SERPINB13: variants seen among roughly 807,000 people sequenced by gnomAD.
SERPINB13 encodes serpin B13.
A neutral mutation model predicts 31.2 loss-of-function variants in SERPINB13; 26 were observed. That is an observed-to-expected ratio of 0.83 (90% CI 0.61 to 1.15). The LOEUF is 1.15. Ranked by LOEUF, SERPINB13 falls within the 50% of genes most tolerant of loss-of-function variation. The pLI, the probability that SERPINB13 is intolerant of heterozygous loss-of-function variation, is 0.00. For synonymous variants in SERPINB13, 191 were observed against 172.4 expected (o/e 1.11, Z -0.85); for missense variants, 510 against 469.4 (o/e 1.09, Z -0.80).
chr18:63,592,600 A>G, intron 4 of SERPINB13, 124 bp downstream of exon 4: 1 of 1,001,256 alleles, frequency 1.0e-6, no homozygotes, highest in Non-Finnish European at 1.5e-6. Context: ...GTGCTTTTCC[A>G]TCCTGATCTA....
At chr18:63,588,923 C>A in intron 2 of SERPINB13, 91 bp downstream of exon 2, 1 of 1,342,812 alleles carries the variant, frequency 7.4e-7, no homozygotes, top group Non-Finnish European at 1.0e-6. Context: ...CTTAAAAATA[C>A]GCTCTTCTTG....
At chr18:63,589,490 C>CACACACACACACACACACAT (rs202159249) in intron 2 of SERPINB13, among the ~76,000 whole-genome samples, 166 bp from the exon 3 acceptor site, 1 of 151,002 alleles carries the variant, frequency 6.6e-6, no homozygotes, top group African/African-American at 2.5e-5. Context: ...CACACACACA[C>CACACACACACACACACACAT]GAAAAATCAG....
At chr18:63,588,928 T>C in intron 2 of SERPINB13, 96 bp downstream of exon 2, 1 of 1,285,152 alleles carries the variant, frequency 7.8e-7, no homozygotes, top group South Asian at 1.5e-5. Flanking sequence ...AAATACGCTC[T>C]TCTTGACCTG....
chr18:63,594,605 C>A, intron 6 of SERPINB13, 108 bp downstream of exon 6: 2 of 1,205,170 alleles, frequency 1.7e-6, no homozygotes, highest in African/African-American at 1.5e-5. Context: ...CTTTGGGAGG[C>A]CAAGGTGGGT....
At chr18:63,595,327 G>A in intron 7 of SERPINB13, 143 bp downstream of exon 7, 4 of 783,410 alleles carry the variant, frequency 5.1e-6, no homozygotes, top group Admixed American at 2.7e-5. Context: ...GTCTACTGGG[G>A]AGCATTAAAT....
At chr18:63,594,303 T>C (rs1912026389) in intron 5 of SERPINB13, 52 bp from the exon 6 acceptor site, 26 of 1,609,904 alleles carry the variant, frequency 1.6e-5, no homozygotes, top group Non-Finnish European at 2.2e-5. Flanking sequence ...GTCATACATA[T>C]TATTTGTCAT....
At chr18:63,596,341 T>C (rs1912165969) in intron 7 of SERPINB13, among the ~76,000 whole-genome samples, 1 of 152,186 alleles carries the variant, frequency 6.6e-6, no homozygotes, top group South Asian at 2.1e-4. Context: ...AAAGAAATAA[T>C]GCAGAAGAAA....
chr18:63,594,330 C>G, intron 5 of SERPINB13, 25 bp from the exon 6 acceptor site: 1 of 1,613,244 alleles, frequency 6.2e-7, no homozygotes, highest in Non-Finnish European at 8.5e-7. Flanking sequence ...GATGGGTCAA[C>G]CTTTTTCTGT....
intron 2 of SERPINB13, among the ~76,000 whole-genome samples, chr18:63,589,451 T>TCACA (rs112829867): frequency 0.045 from 5,040 of 111,880 alleles, 146 homozygotes; most frequent in South Asian, 0.1. Flanking sequence ...CAAAACTCCA[T>TCACA]CACACACACA....
Position 63,592,373 on chromosome 18 carries a change from A to G in SERPINB13, c.251A>G (p.Gln84Arg), listed in dbSNP as rs550914952. 1.2e-6 allele frequency: 2 copies of G among 1,613,112 alleles called. No homozygotes were observed. The highest frequency in any genetic ancestry group is 3.3e-5 in the Admixed American group (2 of 59,892). Residue 84 changes from glutamine to arginine, a missense_variant, in exon 4 of 8, where the codon CAA (glutamine) becomes CGA (arginine). Coordinates refer to ENST00000344731, the MANE Select transcript of SERPINB13 (RefSeq NM_012397.4). ...EVIENTEAVH[Q>R]QFQKFLTEIS... ...ATTGAGAACACAGAAGCAGTACATC[A>G]ACAATTCCAAAAGTTTTTGACTGAA...
intron 1 of SERPINB13, 30 bp from the exon 2 acceptor site, chr18:63,588,621 C>A: frequency 1.2e-6 from 2 of 1,600,500 alleles, no homozygotes; most frequent in South Asian, 1.1e-5. Context: ...TTCAAATGTT[C>A]AGTTTTGATT....
intron 7 of SERPINB13, among the ~76,000 whole-genome samples, chr18:63,595,727 G>C (rs956084323): frequency 6.6e-6 from 1 of 151,816 alleles, no homozygotes; most frequent in Non-Finnish European, 1.5e-5. Context: ...GTGAAACCCC[G>C]TCTCTACTAA....
At position 63,589,915 on chromosome 18, in the gene SERPINB13, T is replaced by A. The variant is rs1911752481; in HGVS notation, c.225+200T>A. 3.6e-6 allele frequency: 4 copies of A among 1,105,670 alleles called. No homozygotes were observed. In the South Asian group the frequency reaches 7.2e-5, roughly 20 times the overall value. 68.5% of individuals were successfully genotyped at this position (1,105,670 alleles called of 1,614,324 possible). ...TTATACAATAATAATAACCCCTTAA[T>A]ATTGAGAAGAGACCTTAGGTGTAAT... On this transcript the variant is annotated intron_variant, in intron 3 of 7. Transcript: ENST00000344731.
intron 2 of SERPINB13, 109 bp from the exon 3 acceptor site, chr18:63,589,547 C>T: frequency 1.4e-6 from 2 of 1,405,526 alleles, no homozygotes; most frequent in Non-Finnish European, 1.9e-6. Flanking sequence ...ATAATGTCAC[C>T]TCATATACCA....
chr18:63,589,820 G>T (rs922565377), intron 3 of SERPINB13, 105 bp downstream of exon 3: 2 of 1,579,754 alleles, frequency 1.3e-6, no homozygotes, highest in African/African-American at 2.7e-5. Context: ...ACTGAGAAAG[G>T]CATGAAAGCA....
In SERPINB13 at chr18:63,595,116, A is replaced by T. The variant is rs1435593895; in HGVS notation, c.703A>T (p.Ile235Phe). The T allele has an allele frequency of 6.2e-7, 1 of 1,613,912 alleles. No homozygotes were observed. Among genetic ancestry groups the T allele is most frequent in the East Asian group, 2.2e-5 (1 of 44,886 alleles). Residue 235 changes from isoleucine (I) to phenylalanine (F), a missense_variant, in exon 7 of 8, where the codon ATT becomes TTT. By Grantham distance (21) the Ile-to-Phe change is conservative. Transcript: ENST00000344731. ...LEDLQAKILG[I>F]PYKNNDLSMF... ...GGACTTGCAGGCCAAAATTCTAGGG[A>T]TTCCATATAAAAACAACGACCTAAG...
Position 63,587,369 on chromosome 18 carries a change from T to C in SERPINB13, c.-99T>C, listed in dbSNP as rs966479634. The stretch of plus-strand genomic sequence containing the variant: ...CTGCTGAAGCAGATGTGGAGAACTA[T>C]AAATTAAGGATCCCAGCTACTTAAT... On this transcript the variant is annotated 5_prime_UTR_variant, in exon 1 of 8. Transcript: ENST00000344731. 5 of 468,688 alleles carry C rather than the reference T, an allele frequency of 1.1e-5. No individual in the cohort carries two copies. Among genetic ancestry groups the C allele is most frequent in the African/African-American group, 1.0e-4 (5 of 49,830 alleles). The allele number at this position is 468,688 out of a possible 1,614,324, so 29.0% of individuals were successfully genotyped here.
chr18:63,588,696 G>T lies in SERPINB13; in HGVS notation c.29G>T (p.Arg10Leu), dbSNP rs1401346679. 1 of 1,614,170 alleles carries T rather than the reference G, an allele frequency of 6.2e-7. No individual in the cohort carries two copies. The highest frequency in any genetic ancestry group is 1.7e-5 in the Admixed American group (1 of 60,028). ...GATTCACTTGGCGCCGTCAGCACTCGACTTGGGTTTGATCTTTTCAAAGAG... is the reference window on the plus strand; with the variant it reads ...GATTCACTTGGCGCCGTCAGCACTCTACTTGGGTTTGATCTTTTCAAAGAG... MDSLGAVST[R>L]LGFDLFKELK... is the part of the protein sequence containing the mutation. The change falls in exon 2 of 8, where the codon CGA becomes CTA. Residue 10 changes from arginine to leucine, a missense_variant. Arg to Leu is a moderately radical substitution (Grantham distance 102). Transcript: ENST00000344731.
intron 1 of SERPINB13, among the ~76,000 whole-genome samples, chr18:63,588,353 C>A (rs1235957572): frequency 1.3e-5 from 2 of 152,156 alleles, no homozygotes; most frequent in African/African-American, 4.8e-5. Context: ...GAGGCAGAGA[C>A]AGGCAGGGTC....
Sources: allele counts gnomAD v4.1 joint callset (sites outside exome capture counted in the v4.1 genomes callset), GRCh38; gene constraint gnomAD v4.1.1; transcripts MANE v1.5; gene names NCBI Gene and HGNC (gene_info 2026-07-23, HGNC 2026-07-21).